Variants in TPCN2 observed in about 807,000 individuals in gnomAD.
The protein encoded by TPCN2 is two pore channel protein 2.
Under a neutral mutation model 111.4 loss-of-function variants are expected in TPCN2, and 92 were observed. The ratio of observed to expected loss-of-function variants is 0.83; its 90% CI spans 0.70 to 0.98. The LOEUF is 0.98. TPCN2 is among the 50% of genes least tolerant of loss of function. The pLI, the probability that TPCN2 is intolerant of heterozygous loss-of-function variation, is 0.00. For synonymous variants in TPCN2, 405 were observed against 414.5 expected, an observed-to-expected ratio of 0.98 and a Z score of 0.28; for missense variants, 995 against 980.1, an observed-to-expected ratio of 1.02 and a Z score of -0.20.
At chr11:69,068,011 C>T (rs1466680952) in intron 8 of TPCN2, among the ~76,000 whole-genome samples, 1 of 152,194 alleles carries the variant, frequency 6.6e-6, no homozygotes, top group Non-Finnish European at 1.5e-5. Flanking sequence ...CACACATCCA[C>T]GCTGCGGTTG....
chr11:69,057,974 C>A (rs1565081029), intron 5 of TPCN2, among the ~76,000 whole-genome samples: 1 of 152,218 alleles, frequency 6.6e-6, no homozygotes, highest in Non-Finnish European at 1.5e-5. Context: ...CTTCTGCCTC[C>A]CGGCTCTCCG....
At position 69,085,251 on chromosome 11, in the gene TPCN2, T is replaced by C. The variant is rs752229683; in HGVS notation, c.1803T>C (p.Phe601=). ...YVFAIIGINL[F]RGVIVALPGN... ...TTGCCATCATTGGGATCAACTTGTT[T>C]AGAGGCGTCATTGTGGCTCTTCCTG... The change falls in exon 20 of 25, where the codon TTT becomes TTC. Residue 601 remains phenylalanine (F), a synonymous_variant. Coordinates refer to ENST00000294309, the MANE Select transcript of TPCN2 (RefSeq NM_139075.4). 2 of 1,613,840 alleles carry C rather than the reference T, an allele frequency of 1.2e-6. No individual in the cohort carries two copies. The highest frequency in any genetic ancestry group is 1.7e-6 in the Non-Finnish European group (2 of 1,179,920).
chr11:69,071,168 C>T (rs1855519541), intron 9 of TPCN2, among the ~76,000 whole-genome samples, 188 bp from the exon 10 acceptor site: 1 of 144,690 alleles, frequency 6.9e-6, no homozygotes, highest in Non-Finnish European at 1.5e-5. Context: ...GGATCCCCCA[C>T]CCCACACTTT....
rs1179982558 is a variant in TPCN2 at position 69,072,900 on chromosome 11, C to G, written c.1144-15C>G. On this transcript the variant is annotated splice_polypyrimidine_tract_variant and intron_variant, in intron 12 of 24. Coordinates refer to ENST00000294309, the MANE Select transcript of TPCN2 (RefSeq NM_139075.4). Reference sequence around the variant, plus strand: ...TCCCGTGCGCCCCTGCTGACCTGTGCTCCTTCCTGTGCAGAAGGTGCGTTC... The same window carrying G: ...TCCCGTGCGCCCCTGCTGACCTGTGGTCCTTCCTGTGCAGAAGGTGCGTTC... 1.2e-6 allele frequency: 2 copies of G among 1,606,456 alleles called. No homozygotes were observed. Among genetic ancestry groups the G allele is most frequent in the African/African-American group, 2.7e-5 (2 of 74,844 alleles).
intron 7 of TPCN2, among the ~76,000 whole-genome samples, chr11:69,065,472 C>T (rs1855232840): frequency 6.6e-6 from 1 of 152,158 alleles, no homozygotes; most frequent in Non-Finnish European, 1.5e-5. Context: ...GCAAGGTGTA[C>T]CTTGTGTGAG....
At chr11:69,079,093 C>T in intron 16 of TPCN2, 73 bp downstream of exon 16, 2 of 1,519,838 alleles carry the variant, frequency 1.3e-6, no homozygotes, top group South Asian at 2.5e-5. Flanking sequence ...TGTGCTGGCC[C>T]ATCTCAGGCC....
chr11:69,079,903 CG>C lies in TPCN2; in HGVS notation c.1589+21del, dbSNP rs1320763108. ...AGGCTGGTATGTGACTGGGCAGAAC[CG>C]AGGGCGGCTACAGCAAACAGCACCA... On this transcript the variant is annotated intron_variant, in intron 17 of 24. Transcript: ENST00000294309. 11 of 1,612,882 alleles carry C rather than the reference CG, an allele frequency of 6.8e-6. No individual in the cohort carries two copies. The highest frequency in any genetic ancestry group is 8.5e-6 in the Non-Finnish European group (10 of 1,179,596).
chr11:69,054,936 C>T (rs1854688606), intron 3 of TPCN2, 139 bp downstream of exon 3: 2 of 933,258 alleles, frequency 2.1e-6, no homozygotes, highest in Non-Finnish European at 3.3e-6. Context: ...CCATCATCCT[C>T]TCTGGAAAGG....
intron 16 of TPCN2, chr11:69,079,353 G>A (rs760129472): frequency 7.7e-5 from 28 of 361,838 alleles, no homozygotes; most frequent in Non-Finnish European, 1.3e-4. Context: ...GATAGACGGT[G>A]TGACCTCAGC....
At chr11:69,052,592 G>A (rs1057183409) in intron 1 of TPCN2, among the ~76,000 whole-genome samples, 1 of 152,064 alleles carries the variant, frequency 6.6e-6, no homozygotes, top group African/African-American at 2.4e-5. Context: ...CAGCAGGGCC[G>A]GGCAGAGTGA....
intron 5 of TPCN2, among the ~76,000 whole-genome samples, chr11:69,059,313 T>C (rs546029179): frequency 6.9e-6 from 1 of 145,946 alleles, no homozygotes; most frequent in Non-Finnish European, 1.5e-5. Context: ...AGCAGCCCTC[T>C]TTCCATGAAC....
intron 1 of TPCN2, among the ~76,000 whole-genome samples, chr11:69,050,420 G>A (rs1861169501): frequency 6.6e-6 from 1 of 152,234 alleles, no homozygotes; most frequent in African/African-American, 2.4e-5. Flanking sequence ...CTGTCACCCA[G>A]GCTGGAGTGC....
intron 7 of TPCN2, among the ~76,000 whole-genome samples, chr11:69,064,244 A>G (rs898909191): frequency 6.7e-6 from 1 of 148,916 alleles, no homozygotes; most frequent in African/African-American, 2.5e-5. Context: ...GCTCCCTCCC[A>G]TCCTGACTCA....
chr11:69,078,780 A>T lies in TPCN2; in HGVS notation c.1397A>T (p.Asp466Val), dbSNP rs1855893828. 2.5e-6 allele frequency: 4 copies of T among 1,613,972 alleles called. No homozygotes were observed. In the East Asian group the frequency reaches 8.9e-5, roughly 36 times the overall value. Residue 466 changes from aspartate to valine, a missense_variant, in exon 15 of 25, where the codon GAC becomes GTC. Physicochemically the swap from Asp to Val is radical, Grantham distance 152. Transcript: ENST00000294309. ...GATGTGCTGCCTGCTGAGCGTGATG[A>T]CTTCATCCTGGGGGTAAGTTCTGAG... The part of the protein sequence containing the change: ...DADVLPAERD[D>V]FILGILNCVF...
chr11:69,061,941 G>A (rs1855040153), intron 5 of TPCN2, among the ~76,000 whole-genome samples: 1 of 152,014 alleles, frequency 6.6e-6, no homozygotes, highest in Non-Finnish European at 1.5e-5. Context: ...GTGTGTGTGT[G>A]AGTGTGAGTG....
chr11:69,062,861 T>C (rs1337282675), intron 5 of TPCN2, 23 bp from the exon 6 acceptor site: 1 of 1,611,144 alleles, frequency 6.2e-7, no homozygotes, highest in South Asian at 1.1e-5. Flanking sequence ...GACGTGGTCC[T>C]CAGTTTCCTG....
chr11:69,054,324 T>C (rs928175193), intron 2 of TPCN2: 2 of 585,692 alleles, frequency 3.4e-6, no homozygotes, highest in South Asian at 2.0e-5. Context: ...CTGAGGCCTG[T>C]TGTGGACCAC....
chr11:69,071,813 C>T (rs188369259), intron 10 of TPCN2, 110 bp from the exon 11 acceptor site: 14 of 1,017,226 alleles, frequency 1.4e-5, no homozygotes, highest in Admixed American at 8.0e-5. Context: ...TGGGCCCCCC[C>T]CCAAGGCTGC....
chr11:69,078,767 G>A lies in TPCN2; in HGVS notation c.1384G>A (p.Ala462Thr), dbSNP rs775468786. Residue 462 changes from alanine to threonine, a missense_variant, in exon 15 of 25, where the codon GCT (alanine) becomes ACT (threonine). Physicochemically the swap from Ala to Thr is moderately conservative, Grantham distance 58. Coordinates refer to ENST00000294309, the MANE Select transcript of TPCN2 (RefSeq NM_139075.4). ...GGTGCTGGATGCAGATGTGCTGCCT[G>A]CTGAGCGTGATGACTTCATCCTGGG... ...FLVLDADVLP[A>T]ERDDFILGIL... is the part of the protein sequence containing the mutation. 7.4e-6 allele frequency: 12 copies of A among 1,613,968 alleles called. No homozygotes were observed. The Admixed American group carries it at 1.8e-4, about 25-fold the overall frequency.
Sources: allele counts gnomAD v4.1 joint callset (sites outside exome capture counted in the v4.1 genomes callset), GRCh38; gene constraint gnomAD v4.1.1; transcripts MANE v1.5; gene names NCBI Gene and HGNC (gene_info 2026-07-23, HGNC 2026-07-21).